XRCC4: variants seen among roughly 807,000 people sequenced by gnomAD.
The protein encoded by XRCC4 is X-ray repair cross complementing 4, also known as DNA repair protein XRCC4.
A neutral mutation model predicts 39.1 loss-of-function variants in XRCC4; 28 were observed. The observed-to-expected ratio is 0.72, with a 90% confidence interval of 0.53 to 0.98. XRCC4 has a LOEUF of 0.98. Among genes scored for constraint, XRCC4 ranks in the 50% least tolerant of loss-of-function variants. The pLI is 0.00. For synonymous variants in XRCC4, 123 were observed against 126.4 expected, an observed-to-expected ratio of 0.97 and a Z score of 0.18; for missense variants, 350 against 376.4, an observed-to-expected ratio of 0.93 and a Z score of 0.58.
chr5:83,091,413 C>G (rs1472797307), intron 1 of XRCC4, among the ~76,000 whole-genome samples: 1 of 152,138 alleles, frequency 6.6e-6, no homozygotes, highest in African/African-American at 2.4e-5. Flanking sequence ...GGGAAGTCGT[C>G]CCTGTGATCC....
chr5:83,368,379 AG>A, the XRCC4 span, among the ~76,000 whole-genome samples: 1 of 152,136 alleles, frequency 6.6e-6, no homozygotes, highest in African/African-American at 2.4e-5. Context: ...GTGAAGTGTG[AG>A]GGGTTGTTCA....
At position 83,203,697 on chromosome 5, in the gene XRCC4, A is replaced by G; in HGVS notation, c.628A>G (p.Lys210Glu). Reference sequence around the variant, plus strand: ...AGCTCAAGAACGAGAAAAGGACATCAAACAAGAAGGGTATTTTCGCTATCT... The same window carrying G: ...AGCTCAAGAACGAGAAAAGGACATCGAACAAGAAGGGTATTTTCGCTATCT... ...NAAQEREKDIKQEGETAICSE... is the reference protein window; with the variant it reads ...NAAQEREKDIEQEGETAICSE... Residue 210 changes from lysine (K) to glutamate (E), a missense_variant, in exon 5 of 8, where the codon AAA becomes GAA. By Grantham distance (56) the Lys-to-Glu change is moderately conservative. Coordinates refer to ENST00000396027, the MANE Select transcript of XRCC4 (RefSeq NM_003401.5). 1 of 1,608,438 alleles carries G rather than the reference A, an allele frequency of 6.2e-7. No individual in the cohort carries two copies. The highest frequency in any genetic ancestry group is 8.5e-7 in the Non-Finnish European group (1 of 1,178,086).
At chr5:83,081,858 A>G (rs974462956) in intron 1 of XRCC4, among the ~76,000 whole-genome samples, 1 of 152,154 alleles carries the variant, frequency 6.6e-6, no homozygotes, top group Non-Finnish European at 1.5e-5. Context: ...CTTCATTGGT[A>G]TATTTAAAAG....
intron 1 of XRCC4, among the ~76,000 whole-genome samples, chr5:83,083,735 T>G (rs527525169): frequency 6.6e-6 from 1 of 152,300 alleles, no homozygotes; most frequent in South Asian, 2.1e-4. Flanking sequence ...TCTGAAACAC[T>G]GAATTATTTA....
chr5:83,330,475 A>T (rs1353583283), intron 7 of XRCC4, among the ~76,000 whole-genome samples: 1 of 152,052 alleles, frequency 6.6e-6, no homozygotes, highest in Non-Finnish European at 1.5e-5. Context: ...TAAAGCTCAA[A>T]AATAAAGCAG....
intron 3 of XRCC4, among the ~76,000 whole-genome samples, chr5:83,132,691 C>T (rs1292390850): frequency 1.3e-5 from 2 of 152,102 alleles, no homozygotes; most frequent in Non-Finnish European, 2.9e-5. Context: ...GAAGCCTGTG[C>T]ATGCGGCATG....
At chr5:83,308,511 T>C (rs1457368471) in intron 7 of XRCC4, among the ~76,000 whole-genome samples, 1 of 152,208 alleles carries the variant, frequency 6.6e-6, no homozygotes, top group Non-Finnish European at 1.5e-5. Flanking sequence ...TCCCAGGTTC[T>C]TAAGAAAGAT....
chr5:83,183,591 T>C (rs1046778526), intron 3 of XRCC4, among the ~76,000 whole-genome samples: 13 of 152,138 alleles, frequency 8.5e-5, no homozygotes, highest in Non-Finnish European at 1.6e-4. Flanking sequence ...TGTCTGCTTT[T>C]GGTGATTTTC....
chr5:83,279,533 G>A (rs1333656418), intron 7 of XRCC4, among the ~76,000 whole-genome samples: 1 of 152,060 alleles, frequency 6.6e-6, no homozygotes, highest in Non-Finnish European at 1.5e-5. Flanking sequence ...CATTTGGCAG[G>A]CCCTATCACA....
At chr5:83,165,814 C>A (rs1314194999) in intron 3 of XRCC4, among the ~76,000 whole-genome samples, 1 of 151,996 alleles carries the variant, frequency 6.6e-6, no homozygotes, top group Non-Finnish European at 1.5e-5. Flanking sequence ...AGGACATGAT[C>A]TCATTCTTGT....
At chr5:83,368,552 T>C in the XRCC4 span, among the ~76,000 whole-genome samples, 3 of 152,164 alleles carry the variant, frequency 2.0e-5, no homozygotes, top group African/African-American at 7.2e-5. Flanking sequence ...GTTAAATCAC[T>C]CCCTGGTGTG....
chr5:83,258,518 AT>A lies in XRCC4; in HGVS notation c.746-8del. 1 of 1,604,738 alleles carries A rather than the reference AT, an allele frequency of 6.2e-7. No individual in the cohort carries two copies. The highest frequency in any genetic ancestry group is 8.5e-7 in the Non-Finnish European group (1 of 1,177,398). On this transcript the variant is annotated splice_polypyrimidine_tract_variant and intron_variant, in intron 6 of 7. Transcript: ENST00000396027. ...TTTTGTTGGGTCACATTCTCATCTC[AT>A]TTTATTTCAGCTGCTGTAAGTAAAG...
intron 7 of XRCC4, among the ~76,000 whole-genome samples, chr5:83,281,977 G>A (rs1754557735): frequency 6.6e-6 from 1 of 152,128 alleles, no homozygotes; most frequent in African/African-American, 2.4e-5. Context: ...GTCACCCAGT[G>A]GCATTTAACA....
At chr5:83,106,255 T>TTAGGGTG (rs1038110872) in intron 2 of XRCC4, among the ~76,000 whole-genome samples, 25 of 152,068 alleles carry the variant, frequency 1.6e-4, no homozygotes, top group African/African-American at 6.0e-4. Flanking sequence ...GAAGAGTGTA[T>TTAGGGTG]AAGGCTAAAG....
At chr5:83,192,874 A>G (rs1002338206) in intron 3 of XRCC4, among the ~76,000 whole-genome samples, 2 of 152,180 alleles carry the variant, frequency 1.3e-5, no homozygotes, top group African/African-American at 4.8e-5. Context: ...TTTATACTGT[A>G]GATTATTTTG....
rs1184052392 is a variant in XRCC4, at chr5:83,115,210, C to G, written c.315+4007C>G. On this transcript the variant is annotated intron_variant, in intron 3 of 7. Coordinates refer to ENST00000396027, the MANE Select transcript of XRCC4 (RefSeq NM_003401.5). ...TGGGAGGCTGAGATGGGCGGATCACCTGAGGTTGGGAGTTCCAGACCAGGC... is the reference window on the plus strand; with the variant it reads ...TGGGAGGCTGAGATGGGCGGATCACGTGAGGTTGGGAGTTCCAGACCAGGC... 2.0e-5 allele frequency among the ~76,000 whole-genome samples: 3 copies of G among 152,074 alleles called. No homozygotes were observed. The South Asian group carries it at 6.2e-4, about 31-fold the overall frequency.
chr5:83,166,435 C>G (rs960160968), intron 3 of XRCC4, among the ~76,000 whole-genome samples: 6 of 151,432 alleles, frequency 4.0e-5, no homozygotes, highest in Non-Finnish European at 7.4e-5. Context: ...ACCCTCCCAC[C>G]AACAGTATAT....
chr5:83,088,564 ATT>A (rs1211266654), intron 1 of XRCC4, among the ~76,000 whole-genome samples: 11 of 152,340 alleles, frequency 7.2e-5, no homozygotes, highest in Non-Finnish European at 1.0e-4. Flanking sequence ...TCAGATCAGC[ATT>A]TTAAATTTTG....
intron 7 of XRCC4, among the ~76,000 whole-genome samples, chr5:83,337,097 A>G (rs1756616983): frequency 6.6e-6 from 1 of 152,190 alleles, no homozygotes; most frequent in Non-Finnish European, 1.5e-5. Flanking sequence ...TAAATTGTAT[A>G]TGAAACTTGC....
Sources: gnomAD v4.1 joint callset for allele counts (sites outside exome capture counted in the v4.1 genomes callset) on GRCh38, gnomAD v4.1.1 for gene constraint, MANE v1.5 for transcripts, NCBI Gene and HGNC (gene_info 2026-07-23, HGNC 2026-07-21) for gene names.